Variants in ABLIM3 observed in about 807,000 individuals in gnomAD.
The protein encoded by ABLIM3 is actin-binding LIM protein 3.
ABLIM3 carries 61 observed loss-of-function variants against 109.5 expected under a neutral mutation model. The ratio of observed to expected loss-of-function variants is 0.56; its 90% CI spans 0.45 to 0.69. The LOEUF (loss-of-function observed/expected upper bound fraction) is 0.69. Among genes scored for constraint, ABLIM3 ranks in the 30% least tolerant of loss-of-function variants. ABLIM3 has a pLI of 0.00. For missense variants in ABLIM3, 796 were observed against 889.5 expected (o/e 0.89, Z 1.34); for synonymous variants, 300 against 324.8 (o/e 0.92, Z 0.82).
chr5:149,241,682 C>T (rs1752860209), intron 14 of ABLIM3, among the ~76,000 whole-genome samples: 1 of 152,170 alleles, frequency 6.6e-6, no homozygotes, highest in South Asian at 2.1e-4. Flanking sequence ...TTACTTGAAC[C>T]TGGGAGGCGG....
rs140532246 is a variant in ABLIM3 at position 149,239,780 on chromosome 5, C to T, written c.1096C>T (p.Leu366Phe). Reference protein sequence around the residue: ...YSQDIYENLDLRQRRASSPGY... With the variant: ...YSQDIYENLDFRQRRASSPGY... Reference sequence around the variant, plus strand: ...CCAGGACATCTACGAGAACCTGGACCTCCGGCAGAGACGGGCCTCCAGCCC... The same window carrying T: ...CCAGGACATCTACGAGAACCTGGACTTCCGGCAGAGACGGGCCTCCAGCCC... The change falls in exon 13 of 24, where the codon CTC becomes TTC. Residue 366 changes from leucine (L) to phenylalanine (F), a missense_variant. Coordinates refer to ENST00000309868, the MANE Select transcript of ABLIM3 (RefSeq NM_014945.5). The T allele has an allele frequency of 2.5e-6, 4 of 1,607,596 alleles. No individual in the cohort carries two copies. The African/African-American group carries it at 5.4e-5, about 22-fold the overall frequency.
At chr5:149,235,402 A>C (rs1762251509) in intron 10 of ABLIM3, among the ~76,000 whole-genome samples, 1 of 152,178 alleles carries the variant, frequency 6.6e-6, no homozygotes, top group South Asian at 2.1e-4. Context: ...CTCCATCTCC[A>C]CTGACTTCTA....
chr5:149,226,992 C>G (rs1181073337), intron 8 of ABLIM3, among the ~76,000 whole-genome samples: 1 of 151,208 alleles, frequency 6.6e-6, no homozygotes, highest in East Asian at 1.9e-4. Context: ...ATCACTTGAA[C>G]CCAGGAGGCA....
intron 8 of ABLIM3, chr5:149,218,800 C>G (rs948194424): frequency 3.3e-5 from 5 of 152,530 alleles, no homozygotes; most frequent in African/African-American, 1.2e-4. Flanking sequence ...TTCCCCCATC[C>G]CCACAGCCCT....
intron 3 of ABLIM3, among the ~76,000 whole-genome samples, chr5:149,193,798 A>G (rs180797892): frequency 6.6e-6 from 1 of 152,350 alleles, no homozygotes; most frequent in East Asian, 1.9e-4. Flanking sequence ...ACAAACTTTC[A>G]TACATATGGA....
intron 3 of ABLIM3, among the ~76,000 whole-genome samples, chr5:149,193,682 C>T (rs1456158086): frequency 2.6e-5 from 4 of 152,108 alleles, no homozygotes; most frequent in Non-Finnish European, 5.9e-5. Context: ...AGCAAGAGGG[C>T]CTGTCCTACC....
intron 5 of ABLIM3, among the ~76,000 whole-genome samples, chr5:149,202,437 T>C (rs1758580654): frequency 6.6e-6 from 1 of 152,194 alleles, no homozygotes; most frequent in Admixed American, 6.5e-5. Context: ...TATAGTGGTA[T>C]GTTTTATAGA....
At chr5:149,229,573 G>T (rs1037811224) in intron 8 of ABLIM3, among the ~76,000 whole-genome samples, 1 of 152,146 alleles carries the variant, frequency 6.6e-6, no homozygotes, top group Non-Finnish European at 1.5e-5. Flanking sequence ...TAGTATTCCG[G>T]TCCTGGGGGT....
At chr5:149,227,162 A>G (rs1308718449) in intron 8 of ABLIM3, among the ~76,000 whole-genome samples, 1 of 152,096 alleles carries the variant, frequency 6.6e-6, no homozygotes, top group Non-Finnish European at 1.5e-5. Flanking sequence ...ATCAGCCCCA[A>G]ATGTTACAGG....
chr5:149,144,236 G>A (rs781698450), intron 2 of ABLIM3, among the ~76,000 whole-genome samples: 1 of 152,130 alleles, frequency 6.6e-6, no homozygotes, highest in Non-Finnish European at 1.5e-5. Context: ...GAAGCCCTCC[G>A]GGTTCCCCCC....
chr5:149,249,725 TGGAAGCCA>T, intron 18 of ABLIM3, 82 bp from the exon 19 acceptor site: 6 of 1,516,534 alleles, frequency 4.0e-6, no homozygotes, highest in Non-Finnish European at 5.5e-6. Flanking sequence ...GGATCGGGTA[TGGAAGCCA>T]CATCTCTTTG....
intron 8 of ABLIM3, chr5:149,218,607 G>T (rs1252766510): frequency 6.6e-6 from 1 of 152,412 alleles, no homozygotes; most frequent in African/African-American, 2.4e-5. Flanking sequence ...GGCAAGCAGG[G>T]TGTATGGGCT....
At chr5:149,219,366 T>TA (rs1491431264) in intron 8 of ABLIM3, 1 of 152,254 alleles carries the variant, frequency 6.6e-6, no homozygotes, top group Non-Finnish European at 1.5e-5. Flanking sequence ...CAGGAATTCC[T>TA]ATGTTGGATT....
intron 3 of ABLIM3, among the ~76,000 whole-genome samples, chr5:149,192,059 A>T (rs1757530422): frequency 6.6e-6 from 1 of 152,204 alleles, no homozygotes; most frequent in Admixed American, 6.5e-5. Context: ...TACAAAAATT[A>T]TAAAGGAAAC....
intron 3 of ABLIM3, among the ~76,000 whole-genome samples, chr5:149,194,067 AG>A (rs1385036175): frequency 6.6e-6 from 1 of 152,228 alleles, no homozygotes; most frequent in Non-Finnish European, 1.5e-5. Flanking sequence ...ATAAAGGAAA[AG>A]ATTCACAAAT....
At chr5:149,222,260 C>A (rs920618648) in intron 8 of ABLIM3, among the ~76,000 whole-genome samples, 1 of 151,956 alleles carries the variant, frequency 6.6e-6, no homozygotes, top group East Asian at 1.9e-4. Context: ...TCACGACAAC[C>A]CTGTCAGCTA....
At chr5:149,217,851 A>G (rs1387801097) in intron 8 of ABLIM3, 1 of 152,218 alleles carries the variant, frequency 6.6e-6, no homozygotes, top group East Asian at 1.9e-4. Context: ...TCATCCACTC[A>G]ATGATTGTTT....
At chr5:149,144,950 G>A (rs564889554) in intron 2 of ABLIM3, among the ~76,000 whole-genome samples, 97 of 152,284 alleles carry the variant, frequency 6.4e-4, no homozygotes, top group South Asian at 1.5e-3. Context: ...CCTCAGTGTA[G>A]GCAGGTTTCA....
At chr5:149,155,231 CA>C (rs1239189067) in intron 2 of ABLIM3, among the ~76,000 whole-genome samples, 1 of 152,084 alleles carries the variant, frequency 6.6e-6, no homozygotes, top group African/African-American at 2.4e-5. Context: ...TGGAGATCTC[CA>C]GGGGAAACAT....
Sources: gnomAD v4.1 joint callset for allele counts (sites outside exome capture counted in the v4.1 genomes callset) on GRCh38, gnomAD v4.1.1 for gene constraint, MANE v1.5 for transcripts, NCBI Gene and HGNC (gene_info 2026-07-23, HGNC 2026-07-21) for gene names.